NFIB: variants seen among roughly 807,000 people sequenced by gnomAD.
NFIB encodes nuclear factor I B.
In NFIB, 11 loss-of-function variants were observed where a neutral mutation model predicts 61.5. That is an observed-to-expected ratio of 0.18 (90% CI 0.11 to 0.30). The LOEUF (loss-of-function observed/expected upper bound fraction) is 0.30. Among genes scored for constraint, NFIB ranks in the 10% least tolerant of loss-of-function variants. The pLI, the probability that NFIB is intolerant of heterozygous loss-of-function variation, is 1.00. For missense variants in NFIB, 471 were observed against 608.9 expected, an observed-to-expected ratio of 0.77 and a Z score of 2.38; for synonymous variants, 260 against 216.5, an observed-to-expected ratio of 1.20 and a Z score of -1.76.
intron 3 of NFIB, among the ~76,000 whole-genome samples, chr9:14,166,862 T>A (rs1443339123): frequency 1.3e-5 from 2 of 152,160 alleles, no homozygotes; most frequent in Non-Finnish European, 2.9e-5. Context: ...AGCAATTTAG[T>A]TTTTCTTGAT....
chr9:14,440,074 C>T, the NFIB span, among the ~76,000 whole-genome samples: 1 of 152,110 alleles, frequency 6.6e-6, no homozygotes, highest in African/African-American at 2.4e-5. Context: ...GGTGGACCTA[C>T]TTTTTGTCTA....
chr9:14,165,256 T>C (rs933748498), intron 3 of NFIB, among the ~76,000 whole-genome samples: 17 of 152,154 alleles, frequency 1.1e-4, no homozygotes, highest in Non-Finnish European at 4.4e-5. Flanking sequence ...AGCTTCCTCA[T>C]GAAGAACACT....
chr9:14,102,352 TAAAAAC>T, intron 10 of NFIB: 26 of 1,354,066 alleles, frequency 1.9e-5, no homozygotes, highest in Non-Finnish European at 2.5e-5. Flanking sequence ...TAAAGCTAGT[TAAAAAC>T]AAACACTATA....
At chr9:14,370,794 G>C (rs1032205433) in intron 1 of NFIB, among the ~76,000 whole-genome samples, 4 of 152,134 alleles carry the variant, frequency 2.6e-5, no homozygotes, top group African/African-American at 9.7e-5. Flanking sequence ...CAATTTCTTT[G>C]TTTAAATGCT....
intron 2 of NFIB, among the ~76,000 whole-genome samples, chr9:14,235,781 A>C (rs544292781): frequency 1.5e-4 from 23 of 152,274 alleles, no homozygotes; most frequent in African/African-American, 4.8e-4. Flanking sequence ...AGAAAGAAAA[A>C]AATAGTAACC....
intron 2 of NFIB, among the ~76,000 whole-genome samples, chr9:14,270,500 C>G (rs2057513336): frequency 7.5e-6 from 1 of 132,696 alleles, no homozygotes. Flanking sequence ...GGCTTGAGAT[C>G]AGCTCAAAGA....
chr9:14,181,144 A>G (rs969766678), intron 2 of NFIB, among the ~76,000 whole-genome samples: 5 of 152,184 alleles, frequency 3.3e-5, no homozygotes, highest in African/African-American at 1.2e-4. Flanking sequence ...TTCTTCTCAT[A>G]TAAAACCTGG....
intron 2 of NFIB, among the ~76,000 whole-genome samples, chr9:14,247,360 C>A (rs757787747): frequency 6.6e-6 from 1 of 152,198 alleles, no homozygotes; most frequent in Non-Finnish European, 1.5e-5. Context: ...TGGTTGGAGG[C>A]CTTCCATGCG....
chr9:14,502,770 T>A, the NFIB span, among the ~76,000 whole-genome samples: 18 of 152,296 alleles, frequency 1.2e-4, no homozygotes, highest in Non-Finnish European at 2.2e-4. Context: ...GGGAAACAGG[T>A]GGTGCTTGGT....
chr9:14,158,369 C>G (rs1461916339), intron 3 of NFIB, among the ~76,000 whole-genome samples: 1 of 152,204 alleles, frequency 6.6e-6, no homozygotes, highest in African/African-American at 2.4e-5. Flanking sequence ...CCTTCTACCA[C>G]CCACTGGCCC....
the NFIB span, among the ~76,000 whole-genome samples, chr9:14,469,025 G>A: frequency 6.6e-6 from 1 of 152,152 alleles, no homozygotes; most frequent in Non-Finnish European, 1.5e-5. Flanking sequence ...CAGGCAGGCA[G>A]GCACAACAAT....
chr9:14,353,536 G>A (rs571212163), intron 1 of NFIB, among the ~76,000 whole-genome samples: 178 of 152,292 alleles, frequency 1.2e-3, no homozygotes, highest in African/African-American at 4.0e-3. Flanking sequence ...AATGAAGGGG[G>A]CTGGGGAGTG....
chr9:14,455,392 G>A, the NFIB span, among the ~76,000 whole-genome samples: 1 of 152,156 alleles, frequency 6.6e-6, no homozygotes, highest in African/African-American at 2.4e-5. Flanking sequence ...TGGAAGGGAG[G>A]GAAAAGTGGT....
At chr9:14,156,178 T>C (rs1485798714) in intron 3 of NFIB, among the ~76,000 whole-genome samples, 1 of 152,210 alleles carries the variant, frequency 6.6e-6, no homozygotes, top group Non-Finnish European at 1.5e-5. Flanking sequence ...GCATACAGAA[T>C]GGTCTGTGGG....
Position 14,208,963 on chromosome 9 carries a change from GAAC to G in NFIB, c.563-29186_563-29184del, listed in dbSNP as rs761810701. ...AAAGAAGAAACAGTCAGAGATGAAAGAACAACAAAAATGTACACAAAAATGAAA... is the reference window on the plus strand; with the variant it reads ...AAAGAAGAAACAGTCAGAGATGAAAGAACAAAAATGTACACAAAAATGAAA... On this transcript the variant is annotated intron_variant, in intron 2 of 10. Coordinates refer to ENST00000380953, the MANE Select transcript of NFIB (RefSeq NM_001190737.2). Among the ~76,000 whole-genome samples, 27 of 152,114 alleles carry G rather than the reference GAAC, an allele frequency of 1.8e-4. 2 individuals are homozygous for G. In the South Asian group the frequency reaches 5.0e-3, roughly 28 times the overall value.
rs1444232473 is a variant in NFIB, at chr9:14,084,960, C to A, written c.*3349G>T. The A allele has an allele frequency of 4.3e-6, 1 of 230,326 alleles. No homozygotes were observed. Among genetic ancestry groups the A allele is most frequent in the African/African-American group, 2.2e-5 (1 of 45,268 alleles). 14.3% of individuals were successfully genotyped at this position (230,326 alleles called of 1,614,324 possible). A position where few individuals can be genotyped will look rare whatever the true frequency, so the allele number is the denominator to read the frequency against. ...TGTAACTTGGTTAGCTAGAACTGCT[C>A]ACTGGCAAAAAAGAGAGCGAGTCTG... On this transcript the variant is annotated 3_prime_UTR_variant, in exon 11 of 11. Transcript: ENST00000380953.
At chr9:14,267,640 C>T (rs1454072809) in intron 2 of NFIB, among the ~76,000 whole-genome samples, 1 of 152,186 alleles carries the variant, frequency 6.6e-6, no homozygotes, top group African/African-American at 2.4e-5. Context: ...TTAACACAAT[C>T]GGAAATGACT....
chr9:14,354,071 A>G (rs897077462), intron 1 of NFIB, among the ~76,000 whole-genome samples: 11 of 151,830 alleles, frequency 7.2e-5, no homozygotes, highest in African/African-American at 2.7e-4. Context: ...TGTTGTCTGA[A>G]CTCTAATGTT....
the NFIB span, among the ~76,000 whole-genome samples, chr9:14,425,180 G>A: frequency 6.6e-6 from 1 of 152,294 alleles, no homozygotes; most frequent in Non-Finnish European, 1.5e-5. Flanking sequence ...AGCAGTCAAG[G>A]GCAGATAAAT....
Sources: allele counts gnomAD v4.1 joint callset (sites outside exome capture counted in the v4.1 genomes callset), GRCh38; gene constraint gnomAD v4.1.1; transcripts MANE v1.5; gene names NCBI Gene and HGNC (gene_info 2026-07-23, HGNC 2026-07-21).